SCHIP1: variants seen among roughly 807,000 people sequenced by gnomAD.
SCHIP1 encodes schwannomin interacting protein 1.
In SCHIP1, 8 loss-of-function variants were observed where a neutral mutation model predicts 29.7. That is an observed-to-expected ratio of 0.27 (90% CI 0.16 to 0.49). The LOEUF is 0.49. Ranked by LOEUF, SCHIP1 falls within the 20% of genes least tolerant of loss-of-function variation. The probability of loss-of-function intolerance (pLI) is 0.99; values close to 1 mark genes in which losing one functional copy is unlikely to be tolerated. For missense variants in SCHIP1, 193 were observed against 294.6 expected (o/e 0.66, Z 2.52); for synonymous variants, 76 against 94.9 (o/e 0.80, Z 1.16).
the SCHIP1 span, among the ~76,000 whole-genome samples, chr3:159,394,790 T>C: frequency 6.6e-6 from 1 of 152,146 alleles, no homozygotes; most frequent in Non-Finnish European, 1.5e-5. Flanking sequence ...TTTGGTTGTG[T>C]CTCTGCCCGG....
the SCHIP1 span, among the ~76,000 whole-genome samples, chr3:159,357,715 T>TA: frequency 3.3e-5 from 5 of 152,206 alleles, no homozygotes; most frequent in African/African-American, 1.2e-4. Flanking sequence ...TAAGAAGGAG[T>TA]AAAATAGTAC....
chr3:159,505,694 T>A, the SCHIP1 span, among the ~76,000 whole-genome samples: 1 of 152,170 alleles, frequency 6.6e-6, no homozygotes, highest in Non-Finnish European at 1.5e-5. Context: ...ATTGTTCGAT[T>A]CCCACCTATG....
At chr3:159,427,814 C>T in the SCHIP1 span, among the ~76,000 whole-genome samples, 1 of 152,100 alleles carries the variant, frequency 6.6e-6, no homozygotes, top group Admixed American at 6.5e-5. Context: ...GCTACAGTAA[C>T]CAAAACAGCA....
the SCHIP1 span, among the ~76,000 whole-genome samples, chr3:159,422,542 A>G: frequency 2.6e-5 from 4 of 152,220 alleles, no homozygotes; most frequent in Admixed American, 2.6e-4. Flanking sequence ...GAATACACCT[A>G]TGCAACAACA....
rs371765514 is a variant in SCHIP1 at position 159,867,298 on chromosome 3, A to G, written c.149+1017A>G. Among the ~76,000 whole-genome samples the G allele has an allele frequency of 1.9e-4, 29 of 152,326 alleles. No individual in the cohort carries two copies. The East Asian group carries it at 4.8e-3, about 25-fold the overall frequency. ...TTAAGCTAGGCATTGGAAACAAATT[A>G]TAGTATTTATGCATCCATTTAACCA... On this transcript the variant is annotated intron_variant, in intron 2 of 6. Coordinates refer to ENST00000445224, the Ensembl canonical transcript of SCHIP1.
the SCHIP1 span, among the ~76,000 whole-genome samples, chr3:159,760,139 G>A: frequency 3.9e-5 from 6 of 152,186 alleles, no homozygotes; most frequent in Non-Finnish European, 8.8e-5. Flanking sequence ...TGCATTTTTG[G>A]AAGTATCTAT....
At chr3:159,775,294 G>A in the SCHIP1 span, among the ~76,000 whole-genome samples, 1 of 152,206 alleles carries the variant, frequency 6.6e-6, no homozygotes, top group Admixed American at 6.5e-5. Flanking sequence ...GGCTTTTCCA[G>A]GTGCAGAGGC....
chr3:159,543,297 G>A, the SCHIP1 span, among the ~76,000 whole-genome samples: 546 of 149,466 alleles, frequency 3.7e-3, 4 homozygotes, highest in African/African-American at 0.013. Context: ...CCATGCTGGT[G>A]TGCTGCACCC....
the SCHIP1 span, among the ~76,000 whole-genome samples, chr3:159,356,593 T>C: frequency 6.6e-6 from 1 of 152,214 alleles, no homozygotes; most frequent in Admixed American, 6.5e-5. Context: ...ATCCTGAGCT[T>C]AACTACTCCT....
At chr3:159,488,979 T>A in the SCHIP1 span, among the ~76,000 whole-genome samples, 1 of 152,222 alleles carries the variant, frequency 6.6e-6, no homozygotes, top group Non-Finnish European at 1.5e-5. Flanking sequence ...AGGGTCTTTT[T>A]TTAGTACATG....
chr3:159,650,659 A>G, the SCHIP1 span, among the ~76,000 whole-genome samples: 1 of 152,182 alleles, frequency 6.6e-6, no homozygotes, highest in Non-Finnish European at 1.5e-5. Context: ...TGTTTATTGC[A>G]TTGTTGTTTA....
the SCHIP1 span, among the ~76,000 whole-genome samples, chr3:159,658,722 C>T: frequency 3.3e-5 from 5 of 152,288 alleles, no homozygotes; most frequent in African/African-American, 1.2e-4. Flanking sequence ...ACATGCCACC[C>T]AAATACCAGA....
At chr3:159,432,494 C>T in the SCHIP1 span, among the ~76,000 whole-genome samples, 1 of 152,110 alleles carries the variant, frequency 6.6e-6, no homozygotes, top group Non-Finnish European at 1.5e-5. Context: ...TGTAGAGACA[C>T]ACTCAAGTGA....
At chr3:159,381,533 T>G in the SCHIP1 span, among the ~76,000 whole-genome samples, 1 of 152,152 alleles carries the variant, frequency 6.6e-6, no homozygotes, top group Non-Finnish European at 1.5e-5. Context: ...ATGGAGAATA[T>G]GAACACTTCT....
the SCHIP1 span, among the ~76,000 whole-genome samples, chr3:159,507,997 G>A: frequency 6.6e-6 from 1 of 152,120 alleles, no homozygotes; most frequent in Non-Finnish European, 1.5e-5. Context: ...GAGTTAGGGA[G>A]GACTCCCTCT....
chr3:159,350,569 G>T, the SCHIP1 span, among the ~76,000 whole-genome samples: 13 of 152,032 alleles, frequency 8.6e-5, no homozygotes, highest in Non-Finnish European at 1.6e-4. Flanking sequence ...CAATGAACTT[G>T]ATATTTTTAA....
chr3:159,473,358 C>T, the SCHIP1 span, among the ~76,000 whole-genome samples: 2 of 151,984 alleles, frequency 1.3e-5, no homozygotes, highest in South Asian at 2.1e-4. Flanking sequence ...CTAAATGTAA[C>T]GCATGTTTCT....
intron 1 of SCHIP1, chr3:159,853,146 T>G (rs556786752): frequency 5.0e-6 from 2 of 401,400 alleles, no homozygotes; most frequent in East Asian, 7.7e-5. Context: ...AGGGGCAGAG[T>G]GAGCCTCAGA....
the SCHIP1 span, among the ~76,000 whole-genome samples, chr3:159,762,883 C>T: frequency 6.6e-6 from 1 of 152,244 alleles, no homozygotes; most frequent in Admixed American, 6.5e-5. Flanking sequence ...GTGCCAAGGG[C>T]ACCCTCACCT....
Sources: allele counts gnomAD v4.1 joint callset (sites outside exome capture counted in the v4.1 genomes callset), GRCh38; gene constraint gnomAD v4.1.1; transcripts MANE v1.5; gene names NCBI Gene and HGNC (gene_info 2026-07-23, HGNC 2026-07-21).